Variants in PRKN observed in about 807,000 individuals in gnomAD.
PRKN encodes the protein parkin RBR E3 ubiquitin protein ligase, also known as E3 ubiquitin-protein ligase parkin.
A neutral mutation model predicts 59.5 loss-of-function variants in PRKN; 56 were observed. That is an observed-to-expected ratio of 0.94 (90% CI 0.76 to 1.18). The LOEUF is 1.18. PRKN is among the 50% of genes most tolerant of loss of function. The pLI is 0.00. For missense variants in PRKN, 657 were observed against 596.4 expected (o/e 1.10, Z -1.06); for synonymous variants, 250 against 222.1 (o/e 1.13, Z -1.12).
At chr6:161,744,341 C>A (rs1294893738) in intron 7 of PRKN, among the ~76,000 whole-genome samples, 3 of 152,012 alleles carry the variant, frequency 2.0e-5, no homozygotes, top group Non-Finnish European at 2.9e-5. Context: ...TGAATCACTT[C>A]GCTTTCAAAA....
chr6:161,819,447 C>T (rs1047670737), intron 6 of PRKN, among the ~76,000 whole-genome samples: 8 of 152,010 alleles, frequency 5.3e-5, no homozygotes, highest in Admixed American at 2.6e-4. Context: ...GCTGAGGTCA[C>T]GCACTGCACT....
chr6:162,390,737 C>T (rs1268132410), intron 2 of PRKN, among the ~76,000 whole-genome samples: 1 of 151,918 alleles, frequency 6.6e-6, no homozygotes, highest in East Asian at 1.9e-4. Context: ...ACCACAATGC[C>T]CAGCCCTGCT....
At chr6:161,422,197 C>CTTTT (rs527857631) in intron 9 of PRKN, among the ~76,000 whole-genome samples, 4 of 130,078 alleles carry the variant, frequency 3.1e-5, no homozygotes, top group Admixed American at 7.9e-5. Flanking sequence ...CAAATAAAAT[C>CTTTT]TTTTTTTTTT....
chr6:161,526,846 T>C lies in PRKN; in HGVS notation c.1083+22008A>G, dbSNP rs1779034585. 6.6e-6 allele frequency among the ~76,000 whole-genome samples: 1 copy of C among 152,132 alleles called. No homozygotes were observed. On this transcript the variant is annotated intron_variant, in intron 9 of 11. Transcript: ENST00000366898. The surrounding 1 kb of genome is among the most constrained non-coding windows in gnomAD (Gnocchi z 4.1). ...ATATGCATGAGAGTCCCTCAAAATA[T>C]AAGGCTCAAAGAAGGGGTAGGTAAT... is the stretch of plus-strand genomic sequence containing the variant.
rs749094429 is a variant in PRKN, at chr6:162,201,148, T to G, written c.517A>C (p.Thr173Pro). Residue 173 changes from threonine (T) to proline (P), a missense_variant, in exon 4 of 12, where the codon ACG becomes CCG. Coordinates refer to ENST00000366898, the MANE Select transcript of PRKN (RefSeq NM_004562.3). ...RVQCSTCRQA[T>P]LTLTQGPSCW... ...TTCCTTACCTGGGTCAAGGTGAGCG[T>G]TGCCTGCCTGCAGGTGCTGCACTGT... 2 of 1,614,018 alleles carry G rather than the reference T, an allele frequency of 1.2e-6. No individual in the cohort carries two copies. The highest frequency in any genetic ancestry group is 3.3e-5 in the Admixed American group (2 of 60,004).
intron 1 of PRKN, among the ~76,000 whole-genome samples, chr6:162,508,850 TCAAAAAA>T (rs953899219): frequency 1.5e-4 from 22 of 150,020 alleles, no homozygotes; most frequent in South Asian, 2.1e-4. Flanking sequence ...AGACCCTGTC[TCAAAAAA>T]CAAAAAACAA....
chr6:161,454,518 G>A lies in PRKN; in HGVS notation c.1084-67641C>T, dbSNP rs1789879796. Among the ~76,000 whole-genome samples the A allele has an allele frequency of 6.6e-6, 1 of 152,146 alleles. No homozygotes were observed. Among genetic ancestry groups the A allele is most frequent in the Non-Finnish European group, 1.5e-5 (1 of 68,026 alleles). Reference sequence around the variant, plus strand: ...TCTAAGCTTGGTCTATGCTTTTGGTGTGCTCTCTAACTCAATGATAATGAT... The same window carrying A: ...TCTAAGCTTGGTCTATGCTTTTGGTATGCTCTCTAACTCAATGATAATGAT... On this transcript the variant is annotated intron_variant, in intron 9 of 11. Transcript: ENST00000366898. The surrounding 1 kb of genome is among the most constrained non-coding windows in gnomAD (Gnocchi z 4.6).
intron 1 of PRKN, among the ~76,000 whole-genome samples, chr6:162,555,438 C>T (rs181156109): frequency 6.6e-6 from 1 of 152,026 alleles, no homozygotes; most frequent in Non-Finnish European, 1.5e-5. Context: ...TTACACTAAT[C>T]CATTGGGTAA....
chr6:161,505,286 C>A lies in PRKN; in HGVS notation c.1083+43568G>T, dbSNP rs567130686. Among the ~76,000 whole-genome samples, 415 of 152,114 alleles carry A rather than the reference C, an allele frequency of 2.7e-3. 2 individuals are homozygous for A. Among genetic ancestry groups the A allele is most frequent in the African/African-American group, 9.6e-3 (399 of 41,466 alleles). The stretch of plus-strand genomic sequence containing the variant: ...TTCTCTGATGGCCAGTGATGGTGAG[C>A]ATTTTTTCATGTGTTTTTTGGCTGC... On this transcript the variant is annotated intron_variant, in intron 9 of 11. Coordinates refer to ENST00000366898, the MANE Select transcript of PRKN (RefSeq NM_004562.3).
Position 161,395,615 on chromosome 6 carries a change from T to C in PRKN, c.1084-8738A>G, listed in dbSNP as rs1237087212. Among the ~76,000 whole-genome samples, 1 of 152,200 alleles carries C rather than the reference T, an allele frequency of 6.6e-6. No homozygotes were observed. The highest frequency in any genetic ancestry group is 1.5e-5 in the Non-Finnish European group (1 of 68,044). ...GCTGCTTCCCCAACACGCTGTGGTCTCAACCACCGCCTTTGTCAAGCTGCT... is the reference window on the plus strand; with the variant it reads ...GCTGCTTCCCCAACACGCTGTGGTCCCAACCACCGCCTTTGTCAAGCTGCT... On this transcript the variant is annotated intron_variant, in intron 9 of 11. Coordinates refer to ENST00000366898, the MANE Select transcript of PRKN (RefSeq NM_004562.3). This position sits in a 1 kb window ranked among gnomAD's most constrained non-coding sequence, Gnocchi z 5.0.
At chr6:161,874,637 T>TTAC (rs1794592536) in intron 6 of PRKN, among the ~76,000 whole-genome samples, 1 of 11,734 alleles carries the variant, frequency 8.5e-5, no homozygotes, top group African/African-American at 2.0e-4. Flanking sequence ...TATATAAATA[T>TTAC]ATATTACATA....
chr6:161,958,579 T>C (rs191446500), intron 6 of PRKN, among the ~76,000 whole-genome samples: 2 of 152,124 alleles, frequency 1.3e-5, no homozygotes, highest in Non-Finnish European at 2.9e-5. Context: ...CTGAATTTTA[T>C]GTAAGAATGT....
At chr6:161,370,924 C>T (rs1243366228) in intron 10 of PRKN, among the ~76,000 whole-genome samples, 2 of 152,208 alleles carry the variant, frequency 1.3e-5, no homozygotes, top group African/African-American at 2.4e-5. Context: ...AACCTTCCAC[C>T]TTTGCAGACA....
Position 161,456,536 on chromosome 6 carries a change from T to C in PRKN, c.1084-69659A>G. The stretch of plus-strand genomic sequence containing the variant: ...ATTGTGGGACTTCTCCTTGTGATCG[T>C]GTGAGTCAATTCTCCTTAATAAATG... On this transcript the variant is annotated intron_variant, in intron 9 of 11. Transcript: ENST00000366898. The surrounding 1 kb of genome is among the most constrained non-coding windows in gnomAD (Gnocchi z 4.8). Among the ~76,000 whole-genome samples the C allele has an allele frequency of 6.6e-6, 1 of 152,168 alleles. No individual in the cohort carries two copies. The highest frequency in any genetic ancestry group is 1.9e-4 in the East Asian group (1 of 5,168).
In PRKN at chr6:161,755,779, GGTT is replaced by G. The variant is rs530659929; in HGVS notation, c.871+29990_871+29992del. Among the ~76,000 whole-genome samples, 27 of 152,082 alleles carry G rather than the reference GGTT, an allele frequency of 1.8e-4. 1 individual carries two copies. Among genetic ancestry groups the G allele is most frequent in the African/African-American group, 6.3e-4 (26 of 41,500 alleles). On this transcript the variant is annotated intron_variant, in intron 7 of 11. Coordinates refer to ENST00000366898, the MANE Select transcript of PRKN (RefSeq NM_004562.3). Reference sequence around the variant, plus strand: ...CCTCATTTCACATTCTGTTAATCAGGGTTGACGTGTGCTGTTGGCTGGCTGTCT... The same window carrying G: ...CCTCATTTCACATTCTGTTAATCAGGGACGTGTGCTGTTGGCTGGCTGTCT...
intron 1 of PRKN, among the ~76,000 whole-genome samples, chr6:162,663,863 A>G (rs1317466648): frequency 1.3e-5 from 2 of 152,110 alleles, no homozygotes; most frequent in Non-Finnish European, 2.9e-5. Flanking sequence ...ATACTGGTGA[A>G]GCCCCACAAT....
chr6:161,520,334 C>G (rs1348851834), intron 9 of PRKN, among the ~76,000 whole-genome samples: 1 of 149,898 alleles, frequency 6.7e-6, no homozygotes, highest in Non-Finnish European at 1.5e-5. Flanking sequence ...AAGTAATTCT[C>G]CTGCCTCAGT....
chr6:161,630,900 C>T (rs768471070), intron 7 of PRKN, among the ~76,000 whole-genome samples: 12 of 152,318 alleles, frequency 7.9e-5, no homozygotes, highest in East Asian at 1.9e-4. Context: ...AATACAAAAA[C>T]GGTTTTCTTC....
rs934645759 is a variant in PRKN at position 161,497,575 on chromosome 6, TCTCA to T, written c.1083+51275_1083+51278del. On this transcript the variant is annotated intron_variant, in intron 9 of 11. Coordinates refer to ENST00000366898, the MANE Select transcript of PRKN (RefSeq NM_004562.3). The surrounding 1 kb of genome is among the most constrained non-coding windows in gnomAD (Gnocchi z 4.6). The stretch of plus-strand genomic sequence containing the variant: ...ACATGTCTCTCTCTCTCTCTCTCTC[TCTCA>T]CACACACACACACACACACCATATC... Among the ~76,000 whole-genome samples, 1 of 139,518 alleles carries T rather than the reference TCTCA, an allele frequency of 7.2e-6. No homozygotes were observed. The highest frequency in any genetic ancestry group is 6.9e-5 in the Admixed American group (1 of 14,406). 91.5% of individuals were successfully genotyped at this position (139,518 alleles called of 152,430 possible).
Sources: gnomAD v4.1 joint callset for allele counts (sites outside exome capture counted in the v4.1 genomes callset) on GRCh38, gnomAD v4.1.1 for gene constraint, Gnocchi (gnomAD v3.1) non-coding constraint, MANE v1.5 for transcripts, NCBI Gene and HGNC (gene_info 2026-07-23, HGNC 2026-07-21) for gene names.